VPS13A: variants seen among roughly 807,000 people sequenced by gnomAD.
The protein encoded by VPS13A is intermembrane lipid transfer protein VPS13A.
VPS13A carries 264 observed loss-of-function variants against 390.9 expected under a neutral mutation model. That is an observed-to-expected ratio of 0.68 (90% CI 0.61 to 0.75). The LOEUF (loss-of-function observed/expected upper bound fraction) is 0.75. Among genes scored for constraint, VPS13A ranks in the 30% least tolerant of loss-of-function variants. The probability of loss-of-function intolerance (pLI) is 0.00; values close to 1 mark genes in which losing one functional copy is unlikely to be tolerated. For synonymous variants in VPS13A, 1,231 were observed against 1,227.1 expected, an observed-to-expected ratio of 1.00 and a Z score of -0.07; for missense variants, 3,409 against 3,733.9, an observed-to-expected ratio of 0.91 and a Z score of 2.27.
rs1826453729 is a variant in VPS13A, at chr9:77,273,289, T to G, written c.2437T>G (p.Ser813Ala). Residue 813 changes from serine to alanine, a missense_variant, in exon 24 of 72, where the codon TCT becomes GCT. Transcript: ENST00000360280. ...APVKSFQIQTSTSLGTSQISQ... is the reference protein window; with the variant it reads ...APVKSFQIQTATSLGTSQISQ... Reference sequence around the variant, plus strand: ...ATTACTTTTCTTTCAGATTCAAACATCTACTTCTTTGGGAACATCACAGAT... The same window carrying G: ...ATTACTTTTCTTTCAGATTCAAACAGCTACTTCTTTGGGAACATCACAGAT... 1 of 1,610,940 alleles carries G rather than the reference T, an allele frequency of 6.2e-7. No individual in the cohort carries two copies.
chr9:77,358,951 T>G (rs1400633891), intron 57 of VPS13A, among the ~76,000 whole-genome samples: 1 of 152,112 alleles, frequency 6.6e-6, no homozygotes, highest in Non-Finnish European at 1.5e-5. Flanking sequence ...CCACACCACT[T>G]CTTCTAAACT....
At position 77,286,848 on chromosome 9, in the gene VPS13A, A is replaced by G. The variant is rs73467909; in HGVS notation, c.3339+3198A>G. On this transcript the variant is annotated intron_variant, in intron 31 of 71. Transcript: ENST00000360280. ...CTGGCAGCCTACATTCCAGAAGCCA[A>G]TTGGTTGAAAGAAGTGGAGGCCTCA... Among the ~76,000 whole-genome samples, 1,214 of 152,274 alleles carry G rather than the reference A, an allele frequency of 8.0e-3. 17 individuals are homozygous for G. The highest frequency in any genetic ancestry group is 0.027 in the African/African-American group (1,128 of 41,550).
chr9:77,300,499 A>T (rs924803852), intron 33 of VPS13A, among the ~76,000 whole-genome samples: 2 of 152,226 alleles, frequency 1.3e-5, no homozygotes, highest in African/African-American at 4.8e-5. Context: ...TGGGAGGTTG[A>T]GGATGGCAGA....
intron 47 of VPS13A, chr9:77,339,231 T>A (rs1830689622): frequency 2.7e-6 from 1 of 376,414 alleles, no homozygotes; most frequent in Non-Finnish European, 4.8e-6. Flanking sequence ...ATGTTTATAA[T>A]TTCCAGGGGA....
chr9:77,387,696 TATAGA>T (rs1222850593), intron 68 of VPS13A, among the ~76,000 whole-genome samples: 6 of 152,190 alleles, frequency 3.9e-5, no homozygotes, highest in African/African-American at 7.2e-5. Flanking sequence ...TTTTCAGTAT[TATAGA>T]AAAGGAAGTC....
chr9:77,360,029 A>G (rs1019340362), intron 58 of VPS13A, among the ~76,000 whole-genome samples: 2 of 152,166 alleles, frequency 1.3e-5, no homozygotes, highest in Non-Finnish European at 2.9e-5. Flanking sequence ...GGACTGAAAC[A>G]TCTATGTAAT....
At chr9:77,333,164 T>G (rs1390282377) in intron 46 of VPS13A, among the ~76,000 whole-genome samples, 1 of 152,224 alleles carries the variant, frequency 6.6e-6, no homozygotes, top group East Asian at 1.9e-4. Flanking sequence ...AGAACTTTCA[T>G]TTTCTTCTTG....
intron 68 of VPS13A, among the ~76,000 whole-genome samples, chr9:77,393,779 C>CT (rs902492858): frequency 3.0e-4 from 46 of 151,900 alleles, no homozygotes; most frequent in South Asian, 6.2e-4. Context: ...TTTTCTTTTT[C>CT]TTTTTTTTGA....
chr9:77,273,501 T>C, intron 24 of VPS13A, 137 bp downstream of exon 24: 1 of 670,270 alleles, frequency 1.5e-6, no homozygotes, highest in East Asian at 2.8e-5. Flanking sequence ...TGACTGAGGC[T>C]CTATGAATGG....
chr9:77,189,095 G>C (rs1451132872), intron 1 of VPS13A, among the ~76,000 whole-genome samples: 2 of 145,334 alleles, frequency 1.4e-5, no homozygotes, highest in East Asian at 2.0e-4. Context: ...TTCATTTGCT[G>C]TGCAAGAGCT....
chr9:77,417,620 AG>A lies in VPS13A; in HGVS notation c.*1615del, dbSNP rs1412041450. On this transcript the variant is annotated 3_prime_UTR_variant, in exon 72 of 72. Coordinates refer to ENST00000360280, the MANE Select transcript of VPS13A (RefSeq NM_033305.3). Reference sequence around the variant, plus strand: ...TGCTTTTGTCAGAATTAAACTTAACAGTAGAGGTAGTCAGAAAGCTTGCATC... The same window carrying A: ...TGCTTTTGTCAGAATTAAACTTAACATAGAGGTAGTCAGAAAGCTTGCATC... 2.0e-5 allele frequency: 3 copies of A among 152,170 alleles called. No homozygotes were observed. The highest frequency in any genetic ancestry group is 4.4e-5 in the Non-Finnish European group (3 of 68,036). 9.4% of individuals were successfully genotyped at this position (152,170 alleles called of 1,614,324 possible).
At chr9:77,370,732 G>A in intron 65 of VPS13A, 154 bp downstream of exon 65, 1 of 739,436 alleles carries the variant, frequency 1.4e-6, no homozygotes, top group Non-Finnish European at 1.6e-6. Flanking sequence ...CATGTCAGTA[G>A]CCTCTAAAAC....
At position 77,295,676 on chromosome 9, in the gene VPS13A, A is replaced by G. The variant is rs767475795; in HGVS notation, c.3642A>G (p.Lys1214=). 8.1e-6 allele frequency: 13 copies of G among 1,614,068 alleles called. No homozygotes were observed. In the South Asian group the frequency reaches 1.2e-4, roughly 15 times the overall value. The part of the protein sequence containing the change: ...SSRMALDINI[K]APVVVIPQSP... The stretch of plus-strand genomic sequence containing the variant: ...GAATGGCACTGGATATTAACATCAA[A>G]GCCCCAGTTGTGGTCATCCCGCAGT... Residue 1214 remains lysine, a synonymous_variant, in exon 33 of 72, where the codon AAA becomes AAG. Coordinates refer to ENST00000360280, the MANE Select transcript of VPS13A (RefSeq NM_033305.3).
chr9:77,210,424 T>C (rs1825918369), intron 6 of VPS13A, among the ~76,000 whole-genome samples, 192 bp from the exon 7 acceptor site: 1 of 143,536 alleles, frequency 7.0e-6, no homozygotes, highest in East Asian at 2.2e-4. Flanking sequence ...TCTTAACATT[T>C]TTTTTTGTAG....
chr9:77,373,741 AC>A (rs1272967610), intron 67 of VPS13A, among the ~76,000 whole-genome samples: 2 of 151,492 alleles, frequency 1.3e-5, no homozygotes, highest in East Asian at 3.9e-4. Context: ...TACTCATCTG[AC>A]AAAGGGCTAA....
At chr9:77,306,917 T>A (rs1186140584) in intron 34 of VPS13A, among the ~76,000 whole-genome samples, 5 of 150,956 alleles carry the variant, frequency 3.3e-5, no homozygotes, top group African/African-American at 7.3e-5. Context: ...TTTATTTTTT[T>A]TTTTTTTTTT....
chr9:77,409,381 A>C (rs1375264108), intron 71 of VPS13A, among the ~76,000 whole-genome samples: 1 of 152,226 alleles, frequency 6.6e-6, no homozygotes, highest in Non-Finnish European at 1.5e-5. Context: ...AAACTCTAAA[A>C]ATCAGAGTAC....
At chr9:77,210,726 T>A (rs781084069) in intron 7 of VPS13A, 51 bp downstream of exon 7, 13 of 1,546,594 alleles carry the variant, frequency 8.4e-6, no homozygotes, top group Non-Finnish European at 1.2e-5. Flanking sequence ...CAATATAGTC[T>A]ATTAAACTGC....
At chr9:77,219,560 A>G (rs1051100693) in intron 10 of VPS13A, among the ~76,000 whole-genome samples, 4 of 152,226 alleles carry the variant, frequency 2.6e-5, no homozygotes, top group African/African-American at 4.8e-5. Flanking sequence ...TCAGAAATTC[A>G]GAAATTATAA....
Sources: allele counts gnomAD v4.1 joint callset (sites outside exome capture counted in the v4.1 genomes callset), GRCh38; gene constraint gnomAD v4.1.1; transcripts MANE v1.5; gene names NCBI Gene and HGNC (gene_info 2026-07-23, HGNC 2026-07-21).